Variants in DLC1 observed in about 807,000 individuals in gnomAD.
The protein encoded by DLC1 is rho GTPase-activating protein 7.
Under a neutral mutation model 140.3 loss-of-function variants are expected in DLC1, and 54 were observed. That is an observed-to-expected ratio of 0.38 (90% CI 0.31 to 0.48). The LOEUF is 0.48. Ranked by LOEUF, DLC1 falls within the 20% of genes least tolerant of loss-of-function variation. The pLI, the probability that DLC1 is intolerant of heterozygous loss-of-function variation, is 0.96. For missense variants in DLC1, 2,536 were observed against 1,907.0 expected (o/e 1.33, Z -6.14); for synonymous variants, 986 against 728.1 (o/e 1.35, Z -5.70).
intron 5 of DLC1, among the ~76,000 whole-genome samples, chr8:13,252,615 TA>T (rs1243144242): frequency 1.3e-5 from 2 of 152,204 alleles, no homozygotes; most frequent in African/African-American, 2.4e-5. Flanking sequence ...AGAAAGTATC[TA>T]GAAGGGACTG....
intron 4 of DLC1, among the ~76,000 whole-genome samples, chr8:13,370,260 C>T (rs992468349): frequency 3.9e-5 from 6 of 151,976 alleles, no homozygotes; most frequent in Non-Finnish European, 8.8e-5. Context: ...ATACTATAAG[C>T]TCTAACAAAA....
chr8:13,289,608 G>A (rs947376530), intron 5 of DLC1, among the ~76,000 whole-genome samples: 1 of 152,186 alleles, frequency 6.6e-6, no homozygotes, highest in Non-Finnish European at 1.5e-5. Context: ...TGGGATTACA[G>A]GCATAAGCCA....
intron 4 of DLC1, among the ~76,000 whole-genome samples, chr8:13,326,188 T>C (rs1021921405): frequency 3.1e-4 from 47 of 152,200 alleles, no homozygotes; most frequent in Non-Finnish European, 6.8e-4. Flanking sequence ...ATGATGAGGA[T>C]ATTAAAAATT....
At chr8:13,371,792 C>T (rs907353719) in intron 4 of DLC1, among the ~76,000 whole-genome samples, 4 of 152,270 alleles carry the variant, frequency 2.6e-5, no homozygotes, top group Middle Eastern at 3.4e-3. Flanking sequence ...TAACTGTGAG[C>T]TCCTTGAGGA....
intron 7 of DLC1, among the ~76,000 whole-genome samples, chr8:13,103,505 A>T (rs1320057786): frequency 6.6e-6 from 1 of 151,936 alleles, no homozygotes; most frequent in Non-Finnish European, 1.5e-5. Context: ...AATAACTCTT[A>T]GGTTGAGCCA....
chr8:13,375,706 A>G lies in DLC1; in HGVS notation c.1314+17847T>C, dbSNP rs78314182. On this transcript the variant is annotated intron_variant, in intron 4 of 17. Transcript: ENST00000276297. ...TCTTCTATCTAAATTGAATATTTTC[A>G]ATGATGACTGTTATTTTATTTTATT... Among the ~76,000 whole-genome samples, 15 of 147,544 alleles carry G rather than the reference A, an allele frequency of 1.0e-4. No homozygotes were observed. The East Asian group carries it at 2.9e-3, about 29-fold the overall frequency.
chr8:13,397,672 T>TAAA (rs57069875), intron 3 of DLC1, among the ~76,000 whole-genome samples: 12 of 145,204 alleles, frequency 8.3e-5, no homozygotes, highest in African/African-American at 3.1e-4. Context: ...CTACAAAAAT[T>TAAA]AAAAAAAAAA....
intron 5 of DLC1, among the ~76,000 whole-genome samples, chr8:13,242,844 A>ATT (rs202207459): frequency 1.3e-5 from 2 of 150,084 alleles, no homozygotes; most frequent in Admixed American, 1.3e-4. Flanking sequence ...ATTTTTAGCA[A>ATT]TTTTTTTTTT....
chr8:13,302,250 CT>C (rs1211009984), intron 5 of DLC1, among the ~76,000 whole-genome samples: 2 of 152,152 alleles, frequency 1.3e-5, no homozygotes, highest in Non-Finnish European at 2.9e-5. Context: ...ATGGGATATC[CT>C]CCAACTAGAG....
At chr8:13,224,347 G>A (rs190400374) in intron 5 of DLC1, among the ~76,000 whole-genome samples, 2 of 152,166 alleles carry the variant, frequency 1.3e-5, no homozygotes, top group Non-Finnish European at 2.9e-5. Context: ...ATTTCAGTCC[G>A]GTTGGTCAGA....
At chr8:13,248,180 T>C (rs57164125) in intron 5 of DLC1, among the ~76,000 whole-genome samples, 26,675 of 152,176 alleles carry the variant, frequency 0.18, 2,529 homozygotes, top group African/African-American at 0.25. Context: ...CCTGTTTCTT[T>C]GCTCCCCTTC....
chr8:13,173,175 C>T (rs1171039682), intron 5 of DLC1, among the ~76,000 whole-genome samples: 2 of 152,056 alleles, frequency 1.3e-5, no homozygotes, highest in Non-Finnish European at 2.9e-5. Context: ...TTTTAAAGTT[C>T]CCCATGAGAG....
intron 5 of DLC1, among the ~76,000 whole-genome samples, chr8:13,180,304 T>A (rs1825963040): frequency 6.6e-6 from 1 of 152,212 alleles, no homozygotes; most frequent in Non-Finnish European, 1.5e-5. Flanking sequence ...TCTTATCCAC[T>A]TGATCATTAG....
intron 4 of DLC1, among the ~76,000 whole-genome samples, chr8:13,387,285 G>A (rs1836567018): frequency 1.3e-5 from 2 of 151,922 alleles, no homozygotes; most frequent in Non-Finnish European, 2.9e-5. Context: ...GTAAAAGACA[G>A]TACTTTATCC....
chr8:13,157,862 A>T (rs1035317033), intron 5 of DLC1, among the ~76,000 whole-genome samples: 1 of 152,148 alleles, frequency 6.6e-6, no homozygotes, highest in African/African-American at 2.4e-5. Flanking sequence ...CTCAATTTCT[A>T]TTTACCACAC....
At position 13,378,359 on chromosome 8, in the gene DLC1, A is replaced by G. The variant is rs557025045; in HGVS notation, c.1314+15194T>C. 2.3e-3 allele frequency among the ~76,000 whole-genome samples: 353 copies of G among 151,932 alleles called. 7 individuals are homozygous for G. Among genetic ancestry groups the G allele is most frequent in the East Asian group, 2.0e-3 (10 of 5,122 alleles). ...CGATAGAATTTTAAGTTAGTGATGT[A>G]TTAATTCTCTGTAGGATTCAAATAT... is the stretch of plus-strand genomic sequence containing the variant. On this transcript the variant is annotated intron_variant, in intron 4 of 17. Coordinates refer to ENST00000276297, the MANE Select transcript of DLC1 (RefSeq NM_182643.3).
intron 5 of DLC1, among the ~76,000 whole-genome samples, chr8:13,273,834 G>A (rs1831054437): frequency 6.6e-6 from 1 of 151,762 alleles, no homozygotes; most frequent in African/African-American, 2.4e-5. Flanking sequence ...GTTATCCCAC[G>A]ACCAAACCCT....
At chr8:13,321,312 G>C (rs771277169) in intron 4 of DLC1, among the ~76,000 whole-genome samples, 1 of 151,990 alleles carries the variant, frequency 6.6e-6, no homozygotes, top group African/African-American at 2.4e-5. Context: ...GGCTGTAGTG[G>C]GCAGGTCACA....
intron 1 of DLC1, among the ~76,000 whole-genome samples, chr8:13,529,298 A>C (rs1803021018): frequency 6.6e-6 from 1 of 152,206 alleles, no homozygotes; most frequent in Non-Finnish European, 1.5e-5. Flanking sequence ...TAATTATAAC[A>C]ATTAACTTGT....
Sources: gnomAD v4.1 joint callset for allele counts (sites outside exome capture counted in the v4.1 genomes callset) on GRCh38, gnomAD v4.1.1 for gene constraint, MANE v1.5 for transcripts, NCBI Gene and HGNC (gene_info 2026-07-23, HGNC 2026-07-21) for gene names.